The following WNK1 variants were observed in gnomAD, a reference collection of about 807,000 sequenced individuals.
The protein encoded by WNK1 is serine/threonine-protein kinase WNK1.
In WNK1, 38 loss-of-function variants were observed where a neutral mutation model predicts 222.8. The ratio of observed to expected loss-of-function variants is 0.17; its 90% CI spans 0.13 to 0.22. WNK1 has a LOEUF of 0.22. WNK1 is among the 10% of genes least tolerant of loss of function. The probability of loss-of-function intolerance (pLI) is 1.00; values close to 1 mark genes in which losing one functional copy is unlikely to be tolerated. For synonymous variants in WNK1, 1,090 were observed against 1,092.9 expected, an observed-to-expected ratio of 1.00 and a Z score of 0.05; for missense variants, 2,348 against 2,918.4, an observed-to-expected ratio of 0.80 and a Z score of 4.50.
intron 1 of WNK1, among the ~76,000 whole-genome samples, chr12:778,414 C>T (rs1035364493): frequency 6.6e-6 from 1 of 152,010 alleles, no homozygotes; most frequent in Admixed American, 6.6e-5. Context: ...CTCACTGCAA[C>T]CTCCACCTCC....
At chr12:858,044 A>G (rs370071617) in intron 5 of WNK1, among the ~76,000 whole-genome samples, 2 of 152,190 alleles carry the variant, frequency 1.3e-5, no homozygotes, top group South Asian at 2.1e-4. Flanking sequence ...CGTTCTTTTT[A>G]TAACATCGTT....
rs114846478 is a variant in WNK1, at chr12:898,217, G to A, written c.6448+536G>A. 7.6e-3 allele frequency among the ~76,000 whole-genome samples: 1,161 copies of A among 152,150 alleles called. 13 individuals carry two copies. The highest frequency in any genetic ancestry group is 0.027 in the African/African-American group (1,104 of 41,504). Reference sequence around the variant, plus strand: ...TGCTAGTCATTGGTTAGGCACGGTGGCTCACGCCTGTAATCCCAGAACTTT... The same window carrying A: ...TGCTAGTCATTGGTTAGGCACGGTGACTCACGCCTGTAATCCCAGAACTTT... On this transcript the variant is annotated intron_variant, in intron 25 of 27. Coordinates refer to ENST00000315939, the MANE Select transcript of WNK1 (RefSeq NM_018979.4).
intron 8 of WNK1, chr12:865,062 G>T: frequency 2.8e-6 from 4 of 1,438,342 alleles, no homozygotes; most frequent in Admixed American, 2.6e-5. Context: ...TGTTTATTTT[G>T]TTTTCACAGT....
At chr12:907,011 G>A in intron 26 of WNK1, among the ~76,000 whole-genome samples, 2 of 20,548 alleles carry the variant, frequency 9.7e-5, no homozygotes, top group African/African-American at 2.1e-4. Flanking sequence ...AGAAAAAGAA[G>A]AGACCCTTCC....
chr12:813,142 G>A (rs1947055257), intron 1 of WNK1, among the ~76,000 whole-genome samples: 2 of 152,194 alleles, frequency 1.3e-5, no homozygotes, highest in Non-Finnish European at 1.5e-5. Flanking sequence ...GCTGAGGTGG[G>A]AGGATCCCTT....
At chr12:768,627 C>T (rs1163675268) in intron 1 of WNK1, among the ~76,000 whole-genome samples, 3 of 152,064 alleles carry the variant, frequency 2.0e-5, no homozygotes, top group African/African-American at 7.2e-5. Flanking sequence ...CCATAAATAC[C>T]ACTATTATAG....
At chr12:871,212 A>C in intron 8 of WNK1, 53 bp from the exon 9 acceptor site, 2 of 1,530,910 alleles carry the variant, frequency 1.3e-6, no homozygotes, top group South Asian at 2.2e-5. Context: ...CCTGACCTCT[A>C]TACACTTACT....
chr12:906,772 G>T, intron 26 of WNK1: 1 of 984,570 alleles, frequency 1.0e-6, no homozygotes, highest in Non-Finnish European at 1.2e-6. Flanking sequence ...GAGCATGGTG[G>T]CTCACACCTG....
intron 1 of WNK1, among the ~76,000 whole-genome samples, chr12:809,924 C>T (rs1789276615): frequency 6.6e-6 from 1 of 152,078 alleles, no homozygotes; most frequent in South Asian, 2.1e-4. Context: ...ATTTCTTTAT[C>T]CTAATACCCA....
At chr12:816,532 C>G (rs954121247) in intron 2 of WNK1, among the ~76,000 whole-genome samples, 3 of 151,994 alleles carry the variant, frequency 2.0e-5, no homozygotes, top group African/African-American at 7.3e-5. Flanking sequence ...TTGGCCTCAT[C>G]CCGATTTGAC....
chr12:908,129 C>T, intron 27 of WNK1, 95 bp downstream of exon 27: 1 of 1,430,386 alleles, frequency 7.0e-7, no homozygotes. Context: ...TACGCCACGA[C>T]CTTCTTCAAT....
chr12:789,909 A>G (rs1944678822), intron 1 of WNK1, among the ~76,000 whole-genome samples: 1 of 152,204 alleles, frequency 6.6e-6, no homozygotes, highest in Admixed American at 6.5e-5. Flanking sequence ...TTCTTTAACA[A>G]TGCTTCATAT....
At chr12:880,067 GTTTGATCCTAGTAGATC>G (rs1953011553) in intron 11 of WNK1, 36 bp downstream of exon 11, 1 of 1,590,266 alleles carries the variant, frequency 6.3e-7, no homozygotes. Flanking sequence ...GCACCACAGA[GTTTGATCCTAGTAGATC>G]ATCAGGAACA....
At position 753,787 on chromosome 12, in the gene WNK1, C is replaced by T. The variant is rs747214764; in HGVS notation, c.222C>T (p.Thr74=). Residue 74 remains threonine (T), a synonymous_variant, in exon 1 of 28, where the codon ACC becomes ACT. Transcript: ENST00000315939. The surrounding 1 kb of genome is among the most constrained non-coding windows in gnomAD (Gnocchi z 5.2). The part of the protein sequence containing the change: ...DSRGAAATTT[T]TEHRFFRRSV... Reference sequence around the variant, plus strand: ...GTGGGGCGGCCGCGACCACTACCACCACTGAGCACCGCTTCTTCCGCCGGA... The same window carrying T: ...GTGGGGCGGCCGCGACCACTACCACTACTGAGCACCGCTTCTTCCGCCGGA... The T allele has an allele frequency of 6.2e-7, 1 of 1,612,670 alleles. No homozygotes were observed. The highest frequency in any genetic ancestry group is 1.7e-5 in the Admixed American group (1 of 60,026).
intron 1 of WNK1, among the ~76,000 whole-genome samples, chr12:802,679 G>C (rs1025038584): frequency 6.6e-6 from 1 of 152,168 alleles, no homozygotes; most frequent in African/African-American, 2.4e-5. Context: ...AAGTTTGGAA[G>C]TATAGGGGGT....
At chr12:868,033 A>G (rs1951825418) in intron 8 of WNK1, 9 of 1,613,716 alleles carry the variant, frequency 5.6e-6, no homozygotes, top group Non-Finnish European at 7.6e-6. Context: ...TGGAAGCCCA[A>G]ACTCACCACT....
Position 884,239 on chromosome 12 carries a change from T to C in WNK1, c.3840T>C (p.Asp1280=). ...AAGTTTTCCCCAGTGAAATAACAGA[T>C]ACAGGTAAGGGATTGATTCTGCCAC... ...ESKVFPSEIT[D]TVAASTAQSP... Residue 1280 remains aspartate, a synonymous_variant, in exon 18 of 28, where the codon GAT becomes GAC. Coordinates refer to ENST00000315939, the MANE Select transcript of WNK1 (RefSeq NM_018979.4). The surrounding 1 kb of genome is among the most constrained non-coding windows in gnomAD (Gnocchi z 5.6). 2 of 1,614,098 alleles carry C rather than the reference T, an allele frequency of 1.2e-6. No homozygotes were observed. Among genetic ancestry groups the C allele is most frequent in the Non-Finnish European group, 1.7e-6 (2 of 1,179,964 alleles).
At chr12:809,763 A>G (rs1946739317) in intron 1 of WNK1, among the ~76,000 whole-genome samples, 1 of 152,158 alleles carries the variant, frequency 6.6e-6, no homozygotes, top group Non-Finnish European at 1.5e-5. Flanking sequence ...GAGTTGCCAG[A>G]CTTAAATAAT....
intron 4 of WNK1, among the ~76,000 whole-genome samples, chr12:842,901 G>A (rs1341646582): frequency 2.0e-5 from 3 of 152,140 alleles, no homozygotes; most frequent in African/African-American, 7.2e-5. Context: ...AAGGGACCAA[G>A]ACAGCTAACA....
Sources: allele counts gnomAD v4.1 joint callset (sites outside exome capture counted in the v4.1 genomes callset), GRCh38; gene constraint gnomAD v4.1.1; non-coding constraint Gnocchi (gnomAD v3.1); transcripts MANE v1.5; gene names NCBI Gene and HGNC (gene_info 2026-07-23, HGNC 2026-07-21).